AFF2: variants seen among roughly 807,000 people sequenced by gnomAD.
AFF2 encodes the protein AF4/FMR2 family member 2.
In AFF2, 14 loss-of-function variants were observed where a neutral mutation model predicts 76.9. The observed-to-expected ratio is 0.18, with a 90% CI of 0.12 to 0.28. The LOEUF (loss-of-function observed/expected upper bound fraction) is 0.28. Among genes scored for constraint, AFF2 ranks in the 10% least tolerant of loss-of-function variants. AFF2 has a pLI of 1.00. For synonymous variants in AFF2, 398 were observed against 366.7 expected (o/e 1.09, Z -0.98); for missense variants, 868 against 1,001.1 (o/e 0.87, Z 1.79).
intron 18 of AFF2, 55 bp downstream of exon 18, chrX:148,978,510 A>T (rs1320079439): frequency 1.3e-5 from 11 of 846,222 alleles, no homozygotes; most frequent in African/African-American, 8.0e-5. Context: ...CACTAATAAG[A>T]CACGACATGC....
intron 7 of AFF2, among the ~76,000 whole-genome samples, chrX:148,883,425 C>T (rs1371205286): frequency 9.0e-6 from 1 of 111,583 alleles, no homozygotes; most frequent in Non-Finnish European, 1.9e-5. Context: ...CTTTCACATG[C>T]ATTAGCTCCT....
At chrX:148,657,271 C>A (rs1221423344) in intron 2 of AFF2, among the ~76,000 whole-genome samples, 1 of 111,574 alleles carries the variant, frequency 9.0e-6, no homozygotes, top group Non-Finnish European at 1.9e-5. Context: ...TACACAAATT[C>A]AGGTATTATC....
At chrX:148,838,055 A>C (rs1265403649) in intron 5 of AFF2, among the ~76,000 whole-genome samples, 1 of 111,865 alleles carries the variant, frequency 8.9e-6, no homozygotes, top group African/African-American at 3.2e-5. Flanking sequence ...GCAACGTTCA[A>C]GATTTTAAAG....
intron 19 of AFF2, among the ~76,000 whole-genome samples, chrX:148,986,848 A>G (rs2072477965): frequency 8.9e-6 from 1 of 112,939 alleles, no homozygotes; most frequent in Admixed American, 9.3e-5. Context: ...AAACATCACA[A>G]CACTTGTTAT....
intron 3 of AFF2, among the ~76,000 whole-genome samples, chrX:148,724,235 C>A (rs1277110567): frequency 9.0e-6 from 1 of 110,745 alleles, no homozygotes; most frequent in Non-Finnish European, 1.9e-5. Context: ...GATTGCTGTG[C>A]CTCTCTCCTA....
At chrX:148,576,589 G>A (rs1214605233) in intron 1 of AFF2, among the ~76,000 whole-genome samples, 1 of 111,145 alleles carries the variant, frequency 9.0e-6, no homozygotes, top group East Asian at 2.8e-4. Context: ...CAAGGAGAAC[G>A]GCATGGTCTT....
At chrX:148,700,800 A>G (rs1557261767) in intron 3 of AFF2, among the ~76,000 whole-genome samples, 1 of 111,113 alleles carries the variant, frequency 9.0e-6, no homozygotes, top group African/African-American at 3.3e-5. Flanking sequence ...CTCTGTTGCT[A>G]TACTCCTGAG....
rs782274593 is a variant in AFF2, at chrX:148,681,565, AGT to A, written c.1041+18815_1041+18816del. On this transcript the variant is annotated intron_variant, in intron 3 of 20. Transcript: ENST00000370460. ...GTGTGTGTGTGTGTGTGTGTGTGTC[AGT>A]GTGTGTGTGTGTGTGTGAGAGAGAG... 2.5e-3 allele frequency among the ~76,000 whole-genome samples: 157 copies of A among 64,024 alleles called. 3 individuals carry two copies. Among genetic ancestry groups the A allele is most frequent in the East Asian group, 9.9e-3 (29 of 2,940 alleles). The allele number at this position is 64,024 out of a possible 115,157, so 55.6% of individuals were successfully genotyped here.
Position 148,501,023 on chromosome X carries a change from C to T in AFF2, c.-75C>T. On this transcript the variant is annotated 5_prime_UTR_variant, in exon 1 of 21. Coordinates refer to ENST00000370460, the MANE Select transcript of AFF2 (RefSeq NM_002025.4). ...GCCGGGGGCCGCCGAGAACCGCCAG[C>T]GAGCTGTGCCGAGAGCCGCGCCGAC... The T allele has an allele frequency of 3.5e-6, 4 of 1,145,353 alleles. No homozygotes were observed. The highest frequency in any genetic ancestry group is 4.7e-6 in the Non-Finnish European group (4 of 854,285). 94.4% of individuals were successfully genotyped at this position (1,145,353 alleles called of 1,213,427 possible).
intron 3 of AFF2, among the ~76,000 whole-genome samples, chrX:148,709,053 A>G (rs1409929371): frequency 9.0e-6 from 1 of 111,469 alleles, no homozygotes; most frequent in Admixed American, 9.6e-5. Context: ...ATGTTTTGAG[A>G]CAGAGTATTA....
chrX:148,553,628 T>G (rs1557239265), intron 1 of AFF2, among the ~76,000 whole-genome samples: 1 of 111,663 alleles, frequency 9.0e-6, no homozygotes, highest in African/African-American at 3.3e-5. Flanking sequence ...CCAGTGACTT[T>G]GAATCCTGAA....
intron 1 of AFF2, among the ~76,000 whole-genome samples, chrX:148,537,470 G>T (rs781899474): frequency 1.4e-4 from 16 of 111,342 alleles, no homozygotes; most frequent in Non-Finnish European, 2.4e-4. Flanking sequence ...TGATGAGAGA[G>T]CCTGCTCTGT....
intron 1 of AFF2, among the ~76,000 whole-genome samples, chrX:148,513,707 A>G (rs1460362323): frequency 1.8e-5 from 2 of 111,825 alleles, no homozygotes; most frequent in African/African-American, 3.3e-5. Context: ...ATAATCATAA[A>G]AATTCAAGGC....
rs369114148 is a variant in AFF2 at position 148,706,844 on chromosome X, G to A, written c.1041+44076G>A. Among the ~76,000 whole-genome samples, 14 of 112,630 alleles carry A rather than the reference G, an allele frequency of 1.2e-4. No homozygotes were observed. The Middle Eastern group carries it at 0.014, about 111-fold the overall frequency. The stretch of plus-strand genomic sequence containing the variant: ...TGTCTGCAAATGTTTTGACTGAGTT[G>A]TGCCTAAACAGAAGATTCTCTTTTT... On this transcript the variant is annotated intron_variant, in intron 3 of 20. Transcript: ENST00000370460.
Position 148,933,322 on chromosome X carries a change from A to G in AFF2, c.1398-20258A>G, listed in dbSNP as rs143652737. ...GAACTTGCAGTGGGAATTAGACTGT[A>G]CAAGAGCTGGTAGGCCATTAAAAAG... On this transcript the variant is annotated intron_variant, in intron 9 of 20. Transcript: ENST00000370460. Among the ~76,000 whole-genome samples the G allele has an allele frequency of 4.5e-5, 5 of 112,202 alleles. No homozygotes were observed. In the East Asian group the frequency reaches 1.4e-3, roughly 31 times the overall value.
At chrX:148,504,049 T>G (rs1261184788) in intron 1 of AFF2, among the ~76,000 whole-genome samples, 1 of 112,050 alleles carries the variant, frequency 8.9e-6, no homozygotes, top group Non-Finnish European at 1.9e-5. Context: ...AAAATCAAAT[T>G]TCTTCATTTA....
intron 3 of AFF2, among the ~76,000 whole-genome samples, chrX:148,700,574 T>A (rs782815543): frequency 1.1e-3 from 125 of 110,162 alleles, no homozygotes; most frequent in Middle Eastern, 9.3e-3. Context: ...GATATGTTCT[T>A]TCCAATAAGC....
At chrX:148,744,166 T>C (rs782402750) in intron 3 of AFF2, among the ~76,000 whole-genome samples, 19 of 110,957 alleles carry the variant, frequency 1.7e-4, no homozygotes, top group African/African-American at 5.9e-4. Flanking sequence ...CATTTAATGC[T>C]CACAATAGGC....
intron 3 of AFF2, among the ~76,000 whole-genome samples, chrX:148,749,699 G>A (rs550965358): frequency 3.6e-5 from 4 of 110,337 alleles, no homozygotes; most frequent in East Asian, 5.7e-4. Context: ...CAGACCCTAC[G>A]TGCTGCACCA....
Sources: gnomAD v4.1 joint callset for allele counts (sites outside exome capture counted in the v4.1 genomes callset) on GRCh38, gnomAD v4.1.1 for gene constraint, MANE v1.5 for transcripts, NCBI Gene and HGNC (gene_info 2026-07-23, HGNC 2026-07-21) for gene names.